The following IQCM variants were observed in gnomAD, a reference collection of about 807,000 sequenced individuals.
The protein encoded by IQCM is IQ motif containing M, also known as IQ domain-containing protein M.
IQCM carries 45 observed loss-of-function variants against 57.6 expected under a neutral mutation model. That is an observed-to-expected ratio of 0.78 (90% CI 0.62 to 1.00). The LOEUF is 1.00. Ranked by LOEUF, IQCM falls within the 50% of genes least tolerant of loss-of-function variation. IQCM has a pLI of 0.00. For missense variants in IQCM, 468 were observed against 511.6 expected, an observed-to-expected ratio of 0.91 and a Z score of 0.82; for synonymous variants, 148 against 158.9, an observed-to-expected ratio of 0.93 and a Z score of 0.51.
intron 2 of IQCM, among the ~76,000 whole-genome samples, chr4:149,744,370 T>C (rs1767732153): frequency 6.6e-6 from 1 of 152,156 alleles, no homozygotes. Context: ...CTTCTTTAAG[T>C]ATAAGAAGGA....
chr4:149,368,808 G>A lies in IQCM; in HGVS notation c.1391-16742C>T, dbSNP rs71622750. 6.7e-5 allele frequency among the ~76,000 whole-genome samples: 6 copies of A among 89,810 alleles called. 1 individual carries two copies. The highest frequency in any genetic ancestry group is 1.2e-4 in the Admixed American group (1 of 8,344). The allele number at this position is 89,810 out of a possible 152,430, so 58.9% of individuals were successfully genotyped here. A position where few individuals can be genotyped will look rare whatever the true frequency, so the allele number is the denominator to read the frequency against. ...TGTATATATATACATATATATACAT[G>A]TATATATATACATATATATACATGT... On this transcript the variant is annotated intron_variant, in intron 13 of 13. Transcript: ENST00000636793.
chr4:149,579,640 A>G (rs1377272072), intron 9 of IQCM, among the ~76,000 whole-genome samples: 1 of 151,962 alleles, frequency 6.6e-6, no homozygotes, highest in East Asian at 1.9e-4. Flanking sequence ...GGACCTTTGC[A>G]TAAGAGGCAA....
intron 7 of IQCM, among the ~76,000 whole-genome samples, chr4:149,623,448 T>C (rs1006108725): frequency 7.2e-5 from 11 of 152,224 alleles, no homozygotes; most frequent in African/African-American, 2.7e-4. Flanking sequence ...AGCTATAACT[T>C]TTCCGCTTCA....
chr4:149,358,882 A>AGTATATCATGATATACTCTCATGAGTAT, intron 13 of IQCM, among the ~76,000 whole-genome samples: 1 of 151,468 alleles, frequency 6.6e-6, no homozygotes, highest in African/African-American at 2.4e-5. Context: ...ATATCATGAG[A>AGTATATCATGATATACTCTCATGAGTAT]CCACAGTGGA....
intron 13 of IQCM, among the ~76,000 whole-genome samples, chr4:149,428,703 G>C (rs1734621722): frequency 6.6e-6 from 1 of 151,820 alleles, no homozygotes; most frequent in African/African-American, 2.4e-5. Flanking sequence ...TTTAGCAAAT[G>C]TGTATCAAGT....
At chr4:149,520,239 T>G (rs1745485568) in intron 12 of IQCM, among the ~76,000 whole-genome samples, 1 of 139,804 alleles carries the variant, frequency 7.2e-6, no homozygotes, top group South Asian at 2.4e-4. Flanking sequence ...TTTTTTTTTT[T>G]GCAGGTAAGA....
chr4:149,462,390 A>G (rs1300474705), intron 12 of IQCM, among the ~76,000 whole-genome samples: 1 of 152,212 alleles, frequency 6.6e-6, no homozygotes, highest in Non-Finnish European at 1.5e-5. Flanking sequence ...CACAGAATGG[A>G]AGGCCAAGCC....
At chr4:149,493,884 CA>C (rs34989034) in intron 12 of IQCM, among the ~76,000 whole-genome samples, 1,492 of 146,502 alleles carry the variant, frequency 0.01, 7 homozygotes, top group South Asian at 0.029. Context: ...CTGGAAATGA[CA>C]AAAAAAAAAA....
intron 10 of IQCM, among the ~76,000 whole-genome samples, chr4:149,561,302 AT>A (rs1750099796): frequency 3.3e-5 from 5 of 152,074 alleles, no homozygotes; most frequent in African/African-American, 7.2e-5. Flanking sequence ...TTTTAGATTC[AT>A]TTTTGTGCCA....
intron 2 of IQCM, among the ~76,000 whole-genome samples, chr4:149,798,144 T>C (rs1468171184): frequency 1.4e-5 from 2 of 143,662 alleles, no homozygotes; most frequent in Non-Finnish European, 2.9e-5. Flanking sequence ...TTTCAAGACA[T>C]AGATAGCACA....
At chr4:149,544,431 G>T (rs1455365726) in intron 12 of IQCM, among the ~76,000 whole-genome samples, 4 of 152,030 alleles carry the variant, frequency 2.6e-5, no homozygotes, top group South Asian at 4.1e-4. Flanking sequence ...AATTGAAAAG[G>T]TATATTGTGT....
chr4:149,783,388 T>C lies in IQCM; in HGVS notation c.-49+31923A>G, dbSNP rs1771791640. Among the ~76,000 whole-genome samples the C allele has an allele frequency of 2.0e-5, 3 of 152,198 alleles. No homozygotes were observed. The South Asian group carries it at 6.2e-4, about 32-fold the overall frequency. On this transcript the variant is annotated intron_variant, in intron 2 of 13. Transcript: ENST00000636793. ...TTATATCTAGAATCTGACCACTTCT[T>C]ATTACCTTCTCCATTACCACCCTAT...
At chr4:149,378,533 A>AT (rs1465477204) in intron 13 of IQCM, among the ~76,000 whole-genome samples, 3 of 152,116 alleles carry the variant, frequency 2.0e-5, no homozygotes, top group Non-Finnish European at 4.4e-5. Flanking sequence ...GACTGGTGGC[A>AT]TTTTGTCCCT....
chr4:149,609,217 C>T (rs1242015292), intron 8 of IQCM, among the ~76,000 whole-genome samples: 3 of 151,640 alleles, frequency 2.0e-5, no homozygotes, highest in Non-Finnish European at 4.4e-5. Context: ...GAATAGACCA[C>T]AACTAGTATT....
intron 8 of IQCM, among the ~76,000 whole-genome samples, chr4:149,589,065 G>T (rs1752890813): frequency 6.6e-6 from 1 of 151,958 alleles, no homozygotes; most frequent in African/African-American, 2.4e-5. Context: ...GCCATTGCCT[G>T]TCTGGTCATT....
Position 149,615,572 on chromosome 4 carries a change from A to G in IQCM, c.681+5557T>C, listed in dbSNP as rs111512430. On this transcript the variant is annotated intron_variant, in intron 8 of 13. Transcript: ENST00000636793. ...AAACGTTTAAAGCATAAAGACATAT[A>G]GCACTATTGATTTTTTTAATTAGAA... is the stretch of plus-strand genomic sequence containing the variant. Among the ~76,000 whole-genome samples the G allele has an allele frequency of 6.3e-4, 96 of 152,334 alleles. 3 individuals carry two copies. The highest frequency in any genetic ancestry group is 2.2e-3 in the African/African-American group (90 of 41,574).
At chr4:149,627,353 G>T (rs1756903248) in intron 7 of IQCM, among the ~76,000 whole-genome samples, 1 of 151,980 alleles carries the variant, frequency 6.6e-6, no homozygotes, top group Non-Finnish European at 1.5e-5. Context: ...TTTTTCTCAG[G>T]GCTGAGAAAA....
intron 7 of IQCM, among the ~76,000 whole-genome samples, chr4:149,665,204 A>G (rs1184282245): frequency 1.3e-5 from 2 of 152,068 alleles, no homozygotes; most frequent in African/African-American, 4.8e-5. Flanking sequence ...AATCATAGGA[A>G]AGGAAGGTAC....
rs28580791 is a variant in IQCM, at chr4:149,789,234, T to C, written c.-49+26077A>G. ...ACTCTGACTTGACCATTAGGTATTC[T>C]ATGCACGCAACAAAATATCACATGG... On this transcript the variant is annotated intron_variant, in intron 2 of 13. Transcript: ENST00000636793. Among the ~76,000 whole-genome samples, 897 of 152,298 alleles carry C rather than the reference T, an allele frequency of 5.9e-3. 6 individuals carry two copies. Among genetic ancestry groups the C allele is most frequent in the African/African-American group, 0.018 (760 of 41,544 alleles).
Sources: gnomAD v4.1 joint callset for allele counts (sites outside exome capture counted in the v4.1 genomes callset) on GRCh38, gnomAD v4.1.1 for gene constraint, MANE v1.5 for transcripts, NCBI Gene and HGNC (gene_info 2026-07-23, HGNC 2026-07-21) for gene names.